PHLPP2: variants seen among roughly 807,000 people sequenced by gnomAD.
PHLPP2 encodes the protein PH domain and leucine rich repeat protein phosphatase 2, also known as PH domain leucine-rich repeat-containing protein phosphatase 2.
A neutral mutation model predicts 124.9 loss-of-function variants in PHLPP2; 66 were observed. That is an observed-to-expected ratio of 0.53 (90% CI 0.43 to 0.65). The LOEUF is 0.65. Ranked by LOEUF, PHLPP2 falls within the 30% of genes least tolerant of loss-of-function variation. PHLPP2 has a pLI of 0.00. For missense variants in PHLPP2, 1,685 were observed against 1,600.4 expected (o/e 1.05, Z -0.90); for synonymous variants, 681 against 624.7 (o/e 1.09, Z -1.34).
chr16:71,718,933 A>C (rs1422039667), intron 1 of PHLPP2, among the ~76,000 whole-genome samples: 1 of 152,180 alleles, frequency 6.6e-6, no homozygotes, highest in Non-Finnish European at 1.5e-5. Flanking sequence ...ATCTAGATGG[A>C]CTGTTTAGCT....
Position 71,656,637 on chromosome 16 carries a change from G to A in PHLPP2, c.2324C>T (p.Thr775Ile). 1 of 1,613,716 alleles carries A rather than the reference G, an allele frequency of 6.2e-7. No individual in the cohort carries two copies. The highest frequency in any genetic ancestry group is 8.5e-7 in the Non-Finnish European group (1 of 1,179,666). ...LKIDQKPLPTTDSTVTSTFWS... is the reference protein window; with the variant it reads ...LKIDQKPLPTIDSTVTSTFWS... Reference sequence around the variant, plus strand: ...GAAGGTTGACGTAACTGTAGAATCTGTGGTTGGCAAAGGTTTCTGATCAAT... The same window carrying A: ...GAAGGTTGACGTAACTGTAGAATCTATGGTTGGCAAAGGTTTCTGATCAAT... Residue 775 changes from threonine to isoleucine, a missense_variant, in exon 16 of 19, where the codon ACA (threonine) becomes ATA (isoleucine). Transcript: ENST00000568954.
intron 3 of PHLPP2, among the ~76,000 whole-genome samples, chr16:71,694,106 A>G (rs751084895): frequency 2.3e-4 from 35 of 152,148 alleles, no homozygotes; most frequent in Non-Finnish European, 4.0e-4. Context: ...AGGCAGGAGA[A>G]TCGATTGCAC....
At chr16:71,656,833 T>A (rs1355352948) in intron 15 of PHLPP2, 152 bp from the exon 16 acceptor site, 1 of 529,886 alleles carries the variant, frequency 1.9e-6, no homozygotes, top group African/African-American at 1.9e-5. Context: ...TCACTGCAAC[T>A]GCTGCCTCCC....
In PHLPP2 at chr16:71,649,377, C is replaced by T. The variant is rs1567610334; in HGVS notation, c.3485G>A (p.Gly1162Asp). Residue 1162 changes from glycine (G) to aspartate (D), a missense_variant, in exon 19 of 19, where the codon GGC (glycine) becomes GAC (aspartate). Transcript: ENST00000568954. The stretch of plus-strand genomic sequence containing the variant: ...GTCTACTTCCACCTCTACCTTGCTG[C>T]CATTGGTTATGACCCCCTCAACGGG... ...DQPVEGVITN[G>D]SKVEVEVDIH... 3 of 1,613,996 alleles carry T rather than the reference C, an allele frequency of 1.9e-6. No homozygotes were observed. Among genetic ancestry groups the T allele is most frequent in the Admixed American group, 3.3e-5 (2 of 60,024 alleles).
At chr16:71,699,567 C>T (rs2045208033) in intron 3 of PHLPP2, among the ~76,000 whole-genome samples, 1 of 152,196 alleles carries the variant, frequency 6.6e-6, no homozygotes, top group Admixed American at 6.5e-5. Flanking sequence ...TCTCCGCATT[C>T]ACCATCTTTC....
intron 10 of PHLPP2, among the ~76,000 whole-genome samples, chr16:71,669,981 C>T (rs2044876745): frequency 6.6e-6 from 1 of 152,070 alleles, no homozygotes; most frequent in African/African-American, 2.4e-5. Flanking sequence ...TGAAGCAGCG[C>T]TATGTAAGAG....
At chr16:71,681,378 T>G (rs1267431805) in intron 6 of PHLPP2, among the ~76,000 whole-genome samples, 1 of 152,198 alleles carries the variant, frequency 6.6e-6, no homozygotes, top group Admixed American at 6.5e-5. Context: ...GATAGAGCCT[T>G]GTCTCTCAGA....
intron 2 of PHLPP2, among the ~76,000 whole-genome samples, chr16:71,711,981 T>A (rs1351147846): frequency 6.6e-6 from 1 of 152,266 alleles, no homozygotes; most frequent in African/African-American, 2.4e-5. Context: ...AAGTCCATCA[T>A]CTACCTTGAA....
chr16:71,707,494 C>T (rs961212920), intron 2 of PHLPP2, among the ~76,000 whole-genome samples: 1 of 152,112 alleles, frequency 6.6e-6, no homozygotes, highest in Non-Finnish European at 1.5e-5. Flanking sequence ...GGGCTCTGAG[C>T]CACCCTGACC....
At chr16:71,659,604 T>G (rs1208370647) in intron 13 of PHLPP2, among the ~76,000 whole-genome samples, 1 of 152,178 alleles carries the variant, frequency 6.6e-6, no homozygotes, top group Non-Finnish European at 1.5e-5. Context: ...ATTCATGACA[T>G]TAACTCATCT....
chr16:71,706,945 CATTTT>C (rs1167959638), intron 2 of PHLPP2, among the ~76,000 whole-genome samples: 13 of 128,886 alleles, frequency 1.0e-4, no homozygotes, highest in African/African-American at 3.4e-4. Flanking sequence ...AAAGATACAC[CATTTT>C]TTTTTTTTTT....
intron 3 of PHLPP2, among the ~76,000 whole-genome samples, chr16:71,697,957 C>A (rs949235133): frequency 1.3e-4 from 19 of 151,416 alleles, no homozygotes; most frequent in Non-Finnish European, 5.9e-5. Context: ...ACACCATTCT[C>A]CCACCTCAGC....
In PHLPP2 at chr16:71,667,188, T is replaced by C; in HGVS notation, c.1774A>G (p.Lys592Glu). Residue 592 changes from lysine (K) to glutamate (E), a missense_variant, in exon 12 of 19, where the codon AAG (lysine) becomes GAG (glutamate). Physicochemically the swap from Lys to Glu is moderately conservative, Grantham distance 56. Coordinates refer to ENST00000568954, the MANE Select transcript of PHLPP2 (RefSeq NM_015020.3). ...TCCTATGATACTTACTTTAAGGCCT[T>C]GGAGAAGAGGGTGTCTGGCAGCCTC... is the stretch of plus-strand genomic sequence containing the variant. ...LTRLPDTLFS[K>E]ALNLRYLNAS... is the part of the protein sequence containing the mutation. 6.2e-7 allele frequency: 1 copy of C among 1,612,752 alleles called. No homozygotes were observed. The highest frequency in any genetic ancestry group is 8.5e-7 in the Non-Finnish European group (1 of 1,179,536).
At chr16:71,698,467 G>C in intron 3 of PHLPP2, 1 of 748,500 alleles carries the variant, frequency 1.3e-6, no homozygotes, top group Non-Finnish European at 2.4e-6. Flanking sequence ...GTGAACCTCG[G>C]CCACAGTGCC....
intron 11 of PHLPP2, among the ~76,000 whole-genome samples, chr16:71,668,711 G>A (rs1488135918): frequency 1.3e-5 from 2 of 151,596 alleles, no homozygotes; most frequent in Non-Finnish European, 2.9e-5. Flanking sequence ...CTGCAGTGAG[G>A]AGTGACTGTG....
At chr16:71,696,641 C>T (rs1053853850) in intron 3 of PHLPP2, among the ~76,000 whole-genome samples, 2 of 149,778 alleles carry the variant, frequency 1.3e-5, no homozygotes, top group Non-Finnish European at 3.0e-5. Context: ...CAGTGAGACT[C>T]CATCTCAAAA....
intron 2 of PHLPP2, among the ~76,000 whole-genome samples, chr16:71,713,209 G>A (rs531889322): frequency 5.9e-5 from 9 of 152,182 alleles, no homozygotes; most frequent in South Asian, 2.1e-4. Flanking sequence ...AAGATTTGTC[G>A]TTGGAATGCT....
At position 71,648,829 on chromosome 16, in the gene PHLPP2, T is replaced by C. The variant is rs1596984226; in HGVS notation, c.*61A>G. 1 of 1,217,672 alleles carries C rather than the reference T, an allele frequency of 8.2e-7. No homozygotes were observed. The highest frequency in any genetic ancestry group is 1.2e-6 in the Non-Finnish European group (1 of 852,742). The allele number at this position is 1,217,672 out of a possible 1,614,324, so 75.4% of individuals were successfully genotyped here. The stretch of plus-strand genomic sequence containing the variant: ...AAAAGAAATGTAGAGGCAGAATGCC[T>C]CTAGCAAGTCCCTACCCCAACCCTG... On this transcript the variant is annotated 3_prime_UTR_variant, in exon 19 of 19. Coordinates refer to ENST00000568954, the MANE Select transcript of PHLPP2 (RefSeq NM_015020.3).
rs1336238593 is a variant in PHLPP2 at position 71,658,731 on chromosome 16, A to G, written c.2070T>C (p.Cys690=). 3 of 1,614,128 alleles carry G rather than the reference A, an allele frequency of 1.9e-6. No homozygotes were observed. In the South Asian group the frequency reaches 3.3e-5, roughly 18 times the overall value. The part of the protein sequence containing the change: ...LKTIPTTIAN[C]KRLHTLVAHS... ...GTGCAACAAGGGTGTGCAGCCTTTT[A>G]CAGTTTGCTATGGTTGTGGGAATGG... The change falls in exon 14 of 19, where the codon TGT becomes TGC. Residue 690 remains cysteine, a synonymous_variant. Transcript: ENST00000568954.
Sources: allele counts gnomAD v4.1 joint callset (sites outside exome capture counted in the v4.1 genomes callset), GRCh38; gene constraint gnomAD v4.1.1; transcripts MANE v1.5; gene names NCBI Gene and HGNC (gene_info 2026-07-23, HGNC 2026-07-21).